Variants in PTPRD observed in about 807,000 individuals in gnomAD.
PTPRD encodes receptor-type tyrosine-protein phosphatase delta.
In PTPRD, 34 loss-of-function variants were observed where a neutral mutation model predicts 214.5. The observed-to-expected ratio is 0.16, with a 90% CI of 0.12 to 0.21. The LOEUF is 0.21. PTPRD is among the 10% of genes least tolerant of loss of function. The pLI, the probability that PTPRD is intolerant of heterozygous loss-of-function variation, is 1.00. For missense variants in PTPRD, 2,545 were observed against 2,398.7 expected (o/e 1.06, Z -1.27); for synonymous variants, 1,128 against 845.7 (o/e 1.33, Z -5.79).
At chr9:9,022,158 A>T (rs768405431) in intron 10 of PTPRD, among the ~76,000 whole-genome samples, 72 of 140,376 alleles carry the variant, frequency 5.1e-4, no homozygotes, top group Non-Finnish European at 1.1e-3. Context: ...AAAATAAAAG[A>T]TGTAAAAAAA....
At chr9:10,393,994 C>T (rs187630719) in intron 2 of PTPRD, among the ~76,000 whole-genome samples, 157 of 146,772 alleles carry the variant, frequency 1.1e-3, no homozygotes, top group African/African-American at 3.5e-3. Flanking sequence ...TAGTTCCAGG[C>T]CTCATGGAAT....
chr9:10,068,441 C>A (rs1385977259), intron 3 of PTPRD, among the ~76,000 whole-genome samples: 1 of 151,866 alleles, frequency 6.6e-6, no homozygotes, highest in East Asian at 1.9e-4. Context: ...GTGATACTCT[C>A]CTGGTCCTTT....
intron 7 of PTPRD, among the ~76,000 whole-genome samples, chr9:9,686,191 C>A (rs923307991): frequency 1.3e-5 from 2 of 150,934 alleles, no homozygotes; most frequent in African/African-American, 2.4e-5. Context: ...ATAATTTTGT[C>A]CTTCTTAAAT....
intron 10 of PTPRD, among the ~76,000 whole-genome samples, chr9:9,060,132 G>C (rs147320831): frequency 6.6e-6 from 1 of 152,284 alleles, no homozygotes; most frequent in East Asian, 1.9e-4. Context: ...CTAGGGGAAA[G>C]ACTCACTTTT....
chr9:9,099,094 A>G (rs2099787765), intron 10 of PTPRD, among the ~76,000 whole-genome samples: 1 of 152,234 alleles, frequency 6.6e-6, no homozygotes, highest in Non-Finnish European at 1.5e-5. Flanking sequence ...TATAAAAATG[A>G]AAATAAAATT....
chr9:10,605,398 T>C (rs2079031089), intron 2 of PTPRD, among the ~76,000 whole-genome samples: 1 of 151,936 alleles, frequency 6.6e-6, no homozygotes, highest in East Asian at 1.9e-4. Context: ...TGTTTTTATA[T>C]TGTGTCAATA....
intron 4 of PTPRD, among the ~76,000 whole-genome samples, chr9:9,956,755 C>G (rs1470227962): frequency 1.3e-5 from 2 of 152,068 alleles, no homozygotes; most frequent in Non-Finnish European, 2.9e-5. Flanking sequence ...AATGTATTAG[C>G]ATTAATAAAT....
At position 10,354,625 on chromosome 9, in the gene PTPRD, T is replaced by C. The variant is rs371651692; in HGVS notation, c.-599-13608A>G. Reference sequence around the variant, plus strand: ...TTTTACTTAGCAATTTTATCTTCTATTCAGTTTGTATTAAGAACTTGTTTT... The same window carrying C: ...TTTTACTTAGCAATTTTATCTTCTACTCAGTTTGTATTAAGAACTTGTTTT... On this transcript the variant is annotated intron_variant, in intron 2 of 45. Coordinates refer to ENST00000381196, the MANE Select transcript of PTPRD (RefSeq NM_002839.4). 5.8e-4 allele frequency among the ~76,000 whole-genome samples: 88 copies of C among 152,368 alleles called. 1 individual carries two copies. The South Asian group carries it at 0.015, about 27-fold the overall frequency.
chr9:10,213,091 A>C (rs1218297146), intron 3 of PTPRD, among the ~76,000 whole-genome samples: 8 of 152,200 alleles, frequency 5.3e-5, no homozygotes. Context: ...AGTGTTGATA[A>C]ACCTTTGGCA....
intron 8 of PTPRD, among the ~76,000 whole-genome samples, chr9:9,474,453 G>C (rs1009326018): frequency 6.6e-5 from 10 of 152,094 alleles, no homozygotes; most frequent in African/African-American, 2.4e-4. Flanking sequence ...ATATATTTTA[G>C]AATTTTTAAA....
chr9:10,516,315 G>C (rs1398496268), intron 2 of PTPRD, among the ~76,000 whole-genome samples: 4 of 151,654 alleles, frequency 2.6e-5, no homozygotes, highest in African/African-American at 9.7e-5. Flanking sequence ...TGCACTTCTT[G>C]ACAATTAGTG....
At chr9:8,324,110 T>G (rs1356253803) in intron 44 of PTPRD, among the ~76,000 whole-genome samples, 1 of 151,808 alleles carries the variant, frequency 6.6e-6, no homozygotes. Flanking sequence ...CATTTTTTTT[T>G]TTTTTTAAAC....
Position 8,922,646 on chromosome 9 carries a change from T to C in PTPRD, c.-104+96051A>G, listed in dbSNP as rs996566603. Reference sequence around the variant, plus strand: ...TTTTTTAACTTCTTCTAATTTTATTTTTTTTGAGACAGAGTCTCGCTCTGT... The same window carrying C: ...TTTTTTAACTTCTTCTAATTTTATTCTTTTTGAGACAGAGTCTCGCTCTGT... On this transcript the variant is annotated intron_variant, in intron 11 of 45. Coordinates refer to ENST00000381196, the MANE Select transcript of PTPRD (RefSeq NM_002839.4). Among the ~76,000 whole-genome samples the C allele has an allele frequency of 3.9e-5, 6 of 152,084 alleles. No individual in the cohort carries two copies. In the East Asian group the frequency reaches 5.8e-4, roughly 15 times the overall value.
chr9:8,525,694 A>G (rs542936212), intron 17 of PTPRD, among the ~76,000 whole-genome samples: 10 of 152,186 alleles, frequency 6.6e-5, no homozygotes, highest in Non-Finnish European at 1.3e-4. Flanking sequence ...GATTTTTAAA[A>G]AGTTAAAAGG....
intron 12 of PTPRD, among the ~76,000 whole-genome samples, chr9:8,706,855 G>A (rs2098220654): frequency 6.6e-6 from 1 of 152,172 alleles, no homozygotes; most frequent in Non-Finnish European, 1.5e-5. Context: ...GCATGCCTCT[G>A]AAGCAACAGC....
chr9:10,056,678 T>A (rs987248361), intron 3 of PTPRD, among the ~76,000 whole-genome samples: 3 of 152,084 alleles, frequency 2.0e-5, no homozygotes, highest in South Asian at 2.1e-4. Context: ...GTGATTCAGT[T>A]AAGTCAAGAG....
intron 10 of PTPRD, among the ~76,000 whole-genome samples, chr9:9,137,044 A>G (rs188354502): frequency 6.6e-6 from 1 of 152,234 alleles, no homozygotes; most frequent in African/African-American, 2.4e-5. Context: ...TTTTTCAACA[A>G]TCACAAAAGC....
At chr9:9,572,922 C>A (rs942141634) in intron 8 of PTPRD, among the ~76,000 whole-genome samples, 1 of 151,518 alleles carries the variant, frequency 6.6e-6, no homozygotes, top group Non-Finnish European at 1.5e-5. Flanking sequence ...AGCAACTGAA[C>A]TCTTATATCC....
intron 35 of PTPRD, among the ~76,000 whole-genome samples, chr9:8,415,728 A>G (rs963027441): frequency 6.6e-5 from 10 of 152,160 alleles, no homozygotes; most frequent in Non-Finnish European, 1.5e-4. Context: ...AGCAAGCCAC[A>G]GACATGCAGA....
Sources: gnomAD v4.1 joint callset for allele counts (sites outside exome capture counted in the v4.1 genomes callset) on GRCh38, gnomAD v4.1.1 for gene constraint, MANE v1.5 for transcripts, NCBI Gene and HGNC (gene_info 2026-07-23, HGNC 2026-07-21) for gene names.